The following ACADVL variants were observed in gnomAD, a reference collection of about 807,000 sequenced individuals.
ACADVL encodes acyl-CoA dehydrogenase very long chain.
Under a neutral mutation model 80.4 loss-of-function variants are expected in ACADVL, and 73 were observed. The observed-to-expected ratio is 0.91, with a 90% CI of 0.75 to 1.10. The LOEUF is 1.10. Ranked by LOEUF, ACADVL falls within the 50% of genes least tolerant of loss-of-function variation. The probability of loss-of-function intolerance (pLI) is 0.00; values close to 1 mark genes in which losing one functional copy is unlikely to be tolerated. For missense variants in ACADVL, 878 were observed against 858.9 expected (o/e 1.02, Z -0.28); for synonymous variants, 392 against 326.5 (o/e 1.20, Z -2.16).
At chr17:7,218,423 G>A (rs1341104373), upstream of ACADVL, 8 of 1,373,906 alleles carry the variant, frequency 5.8e-6, no homozygotes, top group African/African-American at 2.9e-5. Flanking sequence ...GGACACCATA[G>A]GCAGGACCCT....
chr17:7,222,290 G>C lies in ACADVL; in HGVS notation c.866G>C (p.Gly289Ala). The change falls in exon 9 of 20, where the codon GGG (glycine) becomes GCG (alanine). Residue 289 changes from glycine (G) to alanine (A), a missense_variant. Transcript: ENST00000356839. ...ITAFVVERGF[G>A]GITHGPPEKK... is the part of the protein sequence containing the mutation. ...GCTTTTGTGGTGGAGAGGGGCTTCGGGGGCATTACCCAGTGAGTGAATTTG... is the reference window on the plus strand; with the variant it reads ...GCTTTTGTGGTGGAGAGGGGCTTCGCGGGCATTACCCAGTGAGTGAATTTG... The C allele has an allele frequency of 6.2e-7, 1 of 1,613,986 alleles. No homozygotes were observed. Among genetic ancestry groups the C allele is most frequent in the South Asian group, 1.1e-5 (1 of 91,082 alleles).
upstream of ACADVL, chr17:7,218,551 C>T: frequency 1.3e-6 from 2 of 1,560,956 alleles, no homozygotes; most frequent in Non-Finnish European, 8.7e-7. Context: ...CCAGCAAGGC[C>T]TGGAAGAGGT....
upstream of ACADVL, chr17:7,217,341 AG>A: frequency 1.1e-5 from 2 of 187,136 alleles, no homozygotes; most frequent in Non-Finnish European, 1.5e-5. Flanking sequence ...AGGGAGGGGA[AG>A]GGGGCCCTAA....
In ACADVL at chr17:7,222,813, T is replaced by C. The variant is rs2071294369; in HGVS notation, c.1025T>C (p.Phe342Ser). 3.1e-6 allele frequency: 5 copies of C among 1,613,746 alleles called. No individual in the cohort carries two copies. Among genetic ancestry groups the C allele is most frequent in the Non-Finnish European group, 3.4e-6 (4 of 1,180,012 alleles). Residue 342 changes from phenylalanine to serine, a missense_variant, in exon 10 of 20, where the codon TTT becomes TCT. By Grantham distance (155) the Phe-to-Ser change is radical. Transcript: ENST00000356839. ...ATGCACATCCTCAACAATGGAAGGT[T>C]TGGCATGGCTGCGGCCCTGGCAGGT... ...VAMHILNNGR[F>S]GMAAALAGTM...
At chr17:7,220,220 A>AG in intron 2 of ACADVL, 23 bp downstream of exon 2, 1 of 1,527,582 alleles carries the variant, frequency 6.5e-7, no homozygotes. Context: ...AGCCTTGGCA[A>AG]GGGGGTGTGG....
chr17:7,218,307 C>A, upstream of ACADVL: 4 of 1,600,624 alleles, frequency 2.5e-6, no homozygotes, highest in Admixed American at 1.7e-5. Context: ...AACTGAGTTA[C>A]CTCCCCACCC....
upstream of ACADVL, chr17:7,219,596 C>T (rs1294734486): frequency 6.0e-6 from 7 of 1,168,102 alleles, no homozygotes; most frequent in Non-Finnish European, 7.5e-6. Context: ...CTACCTTACA[C>T]TTCTCTTTCC....
upstream of ACADVL, chr17:7,217,150 TG>T (rs1278225233): frequency 1.5e-6 from 2 of 1,290,972 alleles, no homozygotes; most frequent in Non-Finnish European, 2.0e-6. Context: ...CAGTCCATGT[TG>T]GGGGGCCTGG....
Position 7,220,544 on chromosome 17 carries a change from G to C in ACADVL, c.204+15G>C, listed in dbSNP as rs1404625751. On this transcript the variant is annotated intron_variant, in intron 3 of 19. Transcript: ENST00000356839. ...CGGCCAAGGCGGTAGGTAGCCCCGA[G>C]GCCAGGTGGACCTTAGCCAGACCCA... 1 of 1,614,224 alleles carries C rather than the reference G, an allele frequency of 6.2e-7. No individual in the cohort carries two copies. Among genetic ancestry groups the C allele is most frequent in the South Asian group, 1.1e-5 (1 of 91,084 alleles).
At chr17:7,223,791 C>T in intron 12 of ACADVL, 22 bp from the exon 13 acceptor site, 1 of 1,614,114 alleles carries the variant, frequency 6.2e-7, no homozygotes, top group Non-Finnish European at 8.5e-7. Context: ...CAAAACCAGT[C>T]TCATCTGTTC....
In ACADVL at chr17:7,222,834, C is replaced by A. The variant is rs1227564457; in HGVS notation, c.1046C>A (p.Ala349Glu). 2 of 1,613,094 alleles carry A rather than the reference C, an allele frequency of 1.2e-6. No homozygotes were observed. The highest frequency in any genetic ancestry group is 1.7e-6 in the Non-Finnish European group (2 of 1,179,994). ...AGGTTTGGCATGGCTGCGGCCCTGG[C>A]AGGTACCATGAGAGGCATCATTGCT... ...NGRFGMAAAL[A>E]GTMRGIIAKA... The change falls in exon 10 of 20, where the codon GCA becomes GAA. Residue 349 changes from alanine to glutamate, a missense_variant. Coordinates refer to ENST00000356839, the MANE Select transcript of ACADVL (RefSeq NM_000018.4).
rs1319987240 is a variant in ACADVL, at chr17:7,221,808, C to A, written c.622+126C>A. ...TTGGGGGAAGGTTTTGGGGAGGCAT[C>A]ACAGTGTGCTGGTTGGGACATGCAA... On this transcript the variant is annotated intron_variant, in intron 7 of 19. Transcript: ENST00000356839. The A allele has an allele frequency of 6.9e-6, 11 of 1,586,558 alleles. No homozygotes were observed. The South Asian group carries it at 1.2e-4, about 18-fold the overall frequency.
chr17:7,224,588 C>T (rs752987714), intron 17 of ACADVL, 36 bp downstream of exon 17: 1 of 1,603,824 alleles, frequency 6.2e-7, no homozygotes, highest in Non-Finnish European at 8.5e-7. Flanking sequence ...CCCTCCCTTT[C>T]CTCTCCTTGA....
At chr17:7,222,431 G>A in intron 9 of ACADVL, 129 bp downstream of exon 9, 3 of 1,388,934 alleles carry the variant, frequency 2.2e-6, no homozygotes, top group Non-Finnish European at 2.9e-6. Context: ...GTGGCCTTTG[G>A]GACTAATATG....
upstream of ACADVL, chr17:7,218,577 T>A: frequency 2.6e-6 from 4 of 1,566,118 alleles, no homozygotes; most frequent in Non-Finnish European, 3.5e-6. Context: ...TGCAGCACTG[T>A]GAGGAGTGGG....
At position 7,220,765 on chromosome 17, in the gene ACADVL, G is replaced by A. The variant is rs1298004609; in HGVS notation, c.278-1G>A. Reference sequence around the variant, plus strand: ...ACCAGCCTGTCCCCCACCCTCTGCAGTGCTCAACGAAGAGCAGACACAGTT... The same window carrying A: ...ACCAGCCTGTCCCCCACCCTCTGCAATGCTCAACGAAGAGCAGACACAGTT... On this transcript the variant is annotated splice_acceptor_variant, in intron 4 of 19. Coordinates refer to ENST00000356839, the MANE Select transcript of ACADVL (RefSeq NM_000018.4). LOFTEE classifies it high-confidence loss of function. 1.2e-6 allele frequency: 2 copies of A among 1,614,178 alleles called. No individual in the cohort carries two copies. Among genetic ancestry groups the A allele is most frequent in the Non-Finnish European group, 1.7e-6 (2 of 1,180,040 alleles).
chr17:7,224,894 G>C lies in ACADVL; in HGVS notation c.1827+10G>C. ...CACCTGGTGTATCGAGGTGAGACTC[G>C]GGGCTGCCAAGCTCAGGTGAGGGCT... On this transcript the variant is annotated intron_variant, in intron 19 of 19. Transcript: ENST00000356839. The C allele has an allele frequency of 6.2e-7, 1 of 1,613,958 alleles. No homozygotes were observed. Among genetic ancestry groups the C allele is most frequent in the Middle Eastern group, 1.6e-4 (1 of 6,062 alleles).
Position 7,221,555 on chromosome 17 carries a change from G to A in ACADVL, c.495G>A (p.Glu165=), listed in dbSNP as rs370169077. The A allele has an allele frequency of 2.0e-5, 32 of 1,614,044 alleles. No individual in the cohort carries two copies. In the Admixed American group the frequency reaches 4.0e-4, roughly 20 times the overall value. ...CCCTCCAGTACGCCCGTTTGGTGGA[G>A]ATCGTGGGCATGCATGACCTTGGCG... is the stretch of plus-strand genomic sequence containing the variant. ...LCNTQYARLV[E]IVGMHDLGVG... The change falls in exon 7 of 20, where the codon GAG becomes GAA. Residue 165 remains glutamate (E), a synonymous_variant. Coordinates refer to ENST00000356839, the MANE Select transcript of ACADVL (RefSeq NM_000018.4).
upstream of ACADVL, chr17:7,218,985 GCACCAGCACCGC>G (rs956782013): frequency 1.1e-6 from 1 of 882,400 alleles, no homozygotes; most frequent in African/African-American, 1.6e-5. Flanking sequence ...AGGTCCCAAG[GCACCAGCACCGC>G]CACCATCTTG....
Sources: allele counts gnomAD v4.1 joint callset, GRCh38; gene constraint gnomAD v4.1.1; transcripts MANE v1.5; gene names NCBI Gene and HGNC (gene_info 2026-07-23, HGNC 2026-07-21).